Variants in RASAL3 observed in about 807,000 individuals in gnomAD.
RASAL3 encodes the protein RAS protein activator like 3, also known as RAS protein activator like-3.
A neutral mutation model predicts 105.5 loss-of-function variants in RASAL3; 74 were observed. That is an observed-to-expected ratio of 0.70 (90% CI 0.58 to 0.85). RASAL3 has a LOEUF of 0.85. RASAL3 is among the 40% of genes least tolerant of loss of function. RASAL3 has a pLI of 0.00. For synonymous variants in RASAL3, 579 were observed against 591.6 expected, an observed-to-expected ratio of 0.98 and a Z score of 0.31; for missense variants, 1,352 against 1,392.0, an observed-to-expected ratio of 0.97 and a Z score of 0.46.
intron 8 of RASAL3, 125 bp downstream of exon 8, chr19:15,458,203 G>A: frequency 1.2e-6 from 1 of 840,684 alleles, no homozygotes; most frequent in Non-Finnish European, 1.9e-6. Flanking sequence ...CCGTTGCAAC[G>A]ATGCAGGCGG....
chr19:15,464,291 T>C lies in RASAL3; in HGVS notation c.68A>G (p.Tyr23Cys), dbSNP rs1970609317. The part of the protein sequence containing the change: ...QPTATSPLTS[Y>C]RWHTGGGGEK... The stretch of plus-strand genomic sequence containing the variant: ...CCCACCGCCCCCTGTGTGCCAGCGG[T>C]AGGAAGTCAGCGGAGAGGTGGCTGT... Residue 23 changes from tyrosine (Y) to cysteine (C), a missense_variant, in exon 2 of 18, where the codon TAC becomes TGC. This residue lies in a region of RASAL3 where 344 missense variants were observed against 339.6 expected (regional missense o/e 1.01). Coordinates refer to ENST00000343625, the MANE Select transcript of RASAL3 (RefSeq NM_022904.3). The C allele has an allele frequency of 6.3e-7, 1 of 1,586,580 alleles. No homozygotes were observed. Among genetic ancestry groups the C allele is most frequent in the Non-Finnish European group, 8.5e-7 (1 of 1,170,108 alleles).
chr19:15,455,696 T>C (rs1970293115), intron 11 of RASAL3, among the ~76,000 whole-genome samples: 1 of 152,248 alleles, frequency 6.6e-6, no homozygotes, highest in Non-Finnish European at 1.5e-5. Context: ...ACAGGGTCTC[T>C]GTCAACCAGG....
In RASAL3 at chr19:15,453,825, G is replaced by A. The variant is rs1003280731; in HGVS notation, c.2279+324C>T. ...TTGCCCAGGCTTGTCTTAAGTTCCTGGCCTCAAGTGATCCTCCTGCCTCAG... is the reference window on the plus strand; with the variant it reads ...TTGCCCAGGCTTGTCTTAAGTTCCTAGCCTCAAGTGATCCTCCTGCCTCAG... On this transcript the variant is annotated intron_variant, in intron 14 of 17. Coordinates refer to ENST00000343625, the MANE Select transcript of RASAL3 (RefSeq NM_022904.3). This position sits in a 1 kb window ranked among gnomAD's most constrained non-coding sequence, Gnocchi z 4.2. Among the ~76,000 whole-genome samples, 1 of 150,492 alleles carries A rather than the reference G, an allele frequency of 6.6e-6. No homozygotes were observed. Among genetic ancestry groups the A allele is most frequent in the African/African-American group, 2.5e-5 (1 of 40,774 alleles).
intron 2 of RASAL3, among the ~76,000 whole-genome samples, chr19:15,461,975 C>T (rs1384736124): frequency 1.3e-5 from 2 of 152,214 alleles, no homozygotes; most frequent in Admixed American, 1.3e-4. Flanking sequence ...CACAAGCATT[C>T]TTCTCTCTCT....
rs1424654226 is a variant in RASAL3, at chr19:15,461,060, C to G, written c.606G>C (p.Arg202=). 5 of 1,613,902 alleles carry G rather than the reference C, an allele frequency of 3.1e-6. No individual in the cohort carries two copies. Among genetic ancestry groups the G allele is most frequent in the Non-Finnish European group, 4.2e-6 (5 of 1,179,852 alleles). The part of the protein sequence containing the change: ...TAGPNQVHNV[R]GLLKRLKEKK... ...CTCCCACCTTCACTGGCTGCCTTAC[C>G]CGAACGTTGTGGACCTGGTTGGGAC... The change falls in exon 5 of 18, where the codon CGG becomes CGC. Residue 202 remains arginine (R), a splice_region_variant and synonymous_variant. Coordinates refer to ENST00000343625, the MANE Select transcript of RASAL3 (RefSeq NM_022904.3).
chr19:15,459,985 G>A (rs1486380993), intron 6 of RASAL3, among the ~76,000 whole-genome samples: 6 of 152,130 alleles, frequency 3.9e-5, no homozygotes, highest in Non-Finnish European at 8.8e-5. Flanking sequence ...TCCCAGACCA[G>A]TTGATTGACT....
rs34335057 is a variant in RASAL3, at chr19:15,459,239, C to CTATTTATTTATTTATTTATTTATT, written c.663-608_663-585dup. ...CAGGTGTGAGCCACCGTGCCCAGCC[C>CTATTTATTTATTTATTTATTTATT]TATTTATTTATTTATTTATTTATTG... On this transcript the variant is annotated intron_variant, in intron 6 of 17. Coordinates refer to ENST00000343625, the MANE Select transcript of RASAL3 (RefSeq NM_022904.3). Among the ~76,000 whole-genome samples the CTATTTATTTATTTATTTATTTATT allele has an allele frequency of 9.9e-3, 1,438 of 144,620 alleles. 31 individuals carry two copies. The highest frequency in any genetic ancestry group is 0.022 in the African/African-American group (856 of 38,212). The allele number at this position is 144,620 out of a possible 152,430, so 94.9% of individuals were successfully genotyped here.
chr19:15,455,000 C>G lies in RASAL3; in HGVS notation c.1722-107G>C, dbSNP rs7256157. On this transcript the variant is annotated intron_variant, in intron 11 of 17. Transcript: ENST00000343625. ...AGCACTGCATGATTGGTCCATGATC[C>G]TCCAGAGAGCTATTCATGAAGCCCA... is the stretch of plus-strand genomic sequence containing the variant. The G allele has an allele frequency of 1.6e-3, 1,284 of 804,674 alleles. 12 individuals carry two copies. The African/African-American group carries it at 0.02, about 13-fold the overall frequency. The allele number at this position is 804,674 out of a possible 1,614,324, so 49.8% of individuals were successfully genotyped here.
At chr19:15,452,192 G>GGGCGGAGCTTGGAGTGGA in intron 16 of RASAL3, 84 bp from the exon 17 acceptor site, 1 of 1,412,892 alleles carries the variant, frequency 7.1e-7, no homozygotes, top group Non-Finnish European at 1.0e-6. Context: ...GGGACTCCGG[G>GGGCGGAGCTTGGAGTGGA]GGCGGAGCTT....
chr19:15,451,726 T>G lies in RASAL3; in HGVS notation c.*69A>C. On this transcript the variant is annotated 3_prime_UTR_variant, in exon 18 of 18. Transcript: ENST00000343625. Reference sequence around the variant, plus strand: ...TAGGCCAAGTAGGGCTAAGGCAAAGTCAGACACCCCCCCTAAGATGGCTAT... The same window carrying G: ...TAGGCCAAGTAGGGCTAAGGCAAAGGCAGACACCCCCCCTAAGATGGCTAT... 5.9e-6 allele frequency: 9 copies of G among 1,525,152 alleles called. No homozygotes were observed. Among genetic ancestry groups the G allele is most frequent in the Admixed American group, 1.9e-5 (1 of 52,518 alleles). 94.5% of individuals were successfully genotyped at this position (1,525,152 alleles called of 1,614,324 possible). A position where few individuals can be genotyped will look rare whatever the true frequency, so the allele number is the denominator to read the frequency against.
chr19:15,458,938 CTATTTATT>C lies in RASAL3; in HGVS notation c.663-291_663-284del, dbSNP rs113274252. Among the ~76,000 whole-genome samples, 450 of 150,864 alleles carry C rather than the reference CTATTTATT, an allele frequency of 3.0e-3. 3 individuals carry two copies. The highest frequency in any genetic ancestry group is 6.8e-3 in the Middle Eastern group (2 of 292). On this transcript the variant is annotated intron_variant, in intron 6 of 17. Transcript: ENST00000343625. ...CTCCCTGGCCTTGTTTTATTTTATC[CTATTTATT>C]TATTTATTTATTTATTTGAGACAGA...
At chr19:15,458,690 T>C in intron 6 of RASAL3, 35 bp from the exon 7 acceptor site, 3 of 1,602,690 alleles carry the variant, frequency 1.9e-6, no homozygotes, top group Non-Finnish European at 2.6e-6. Context: ...CCGTCATTCC[T>C]GCCTCTTCCC....
rs994530145 is a variant in RASAL3, at chr19:15,453,634, C to G, written c.2280-137G>C. 7.7e-5 allele frequency: 68 copies of G among 884,384 alleles called. 2 individuals carry two copies. The Middle Eastern group carries it at 1.4e-3, about 18-fold the overall frequency. 54.8% of individuals were successfully genotyped at this position (884,384 alleles called of 1,614,324 possible). A position where few individuals can be genotyped will look rare whatever the true frequency, so the allele number is the denominator to read the frequency against. ...TTTTTGAGACAAGGTCTTGCTCTGT[C>G]GCCCAGGCTGGAGTGCAGTGGCTAG... On this transcript the variant is annotated intron_variant, in intron 14 of 17. Transcript: ENST00000343625. The surrounding 1 kb of genome is among the most constrained non-coding windows in gnomAD (Gnocchi z 4.2).
chr19:15,463,493 C>T (rs184992706), intron 2 of RASAL3, among the ~76,000 whole-genome samples: 24 of 152,310 alleles, frequency 1.6e-4, no homozygotes, highest in African/African-American at 5.8e-4. Flanking sequence ...AGTGTGTCCT[C>T]AGTGCCTAAA....
Position 15,457,747 on chromosome 19 carries a change from C to A in RASAL3, c.976G>T (p.Val326Leu). The A allele has an allele frequency of 6.5e-7, 1 of 1,543,352 alleles. No individual in the cohort carries two copies. Among genetic ancestry groups the A allele is most frequent in the African/African-American group, 1.4e-5 (1 of 72,508 alleles). ...LPRAAAGAPG[V>L]RAELWLDGAL... ...CCATCCAGCCACAGCTCGGCGCGCA[C>A]GCCGGGTGCCCCCGCCGCTGCTCGG... is the stretch of plus-strand genomic sequence containing the variant. Residue 326 changes from valine to leucine, a missense_variant, in exon 9 of 18, where the codon GTG becomes TTG. By Grantham distance (32) the Val-to-Leu change is conservative. Transcript: ENST00000343625. The surrounding 1 kb of genome is among the most constrained non-coding windows in gnomAD (Gnocchi z 8.6).
At chr19:15,458,235 G>A (rs1970390546) in intron 8 of RASAL3, 93 bp downstream of exon 8, 3 of 1,218,194 alleles carry the variant, frequency 2.5e-6, no homozygotes, top group Non-Finnish European at 3.5e-6. Context: ...TGGGGGCGCG[G>A]GTTATGGAGC....
rs756302458 is a variant in RASAL3 at position 15,451,958 on chromosome 19, G to A, written c.2893-20C>T. The A allele has an allele frequency of 9.4e-5, 151 of 1,611,422 alleles. No individual in the cohort carries two copies. The highest frequency in any genetic ancestry group is 1.2e-4 in the Non-Finnish European group (147 of 1,177,940). Reference sequence around the variant, plus strand: ...GTGCTCCTGGGGAGGCAGTGGTGATGGGGTTCAGAAACCAGGAGAGGGCTG... The same window carrying A: ...GTGCTCCTGGGGAGGCAGTGGTGATAGGGTTCAGAAACCAGGAGAGGGCTG... On this transcript the variant is annotated intron_variant, in intron 17 of 17. Coordinates refer to ENST00000343625, the MANE Select transcript of RASAL3 (RefSeq NM_022904.3).
rs971451661 is a variant in RASAL3, at chr19:15,454,709, G to A, written c.1906C>T (p.Arg636Cys). ...ACCTTGGCAATCAGTGTGAGGGTGC[G>A]GGCTGGGCCGGGTGCTGGATGGTCT... ...APDHPAPGPARTLTLIAKVIQ... is the reference protein window; with the variant it reads ...APDHPAPGPACTLTLIAKVIQ... Residue 636 changes from arginine (R) to cysteine (C), a missense_variant, in exon 12 of 18, where the codon CGC becomes TGC. Arg to Cys is a radical substitution (Grantham distance 180). Coordinates refer to ENST00000343625, the MANE Select transcript of RASAL3 (RefSeq NM_022904.3). 10 of 1,611,020 alleles carry A rather than the reference G, an allele frequency of 6.2e-6. No individual in the cohort carries two copies. Among genetic ancestry groups the A allele is most frequent in the African/African-American group, 1.3e-5 (1 of 74,906 alleles).
chr19:15,454,085 C>A, intron 14 of RASAL3, 64 bp downstream of exon 14: 4 of 1,197,662 alleles, frequency 3.3e-6, no homozygotes, highest in Non-Finnish European at 3.6e-6. Flanking sequence ...CACCTCTGAC[C>A]CCTGTCTGAG....
Sources: allele counts gnomAD v4.1 joint callset (sites outside exome capture counted in the v4.1 genomes callset), GRCh38; gene constraint gnomAD v4.1.1; regional missense constraint gnomAD v4.1.1; non-coding constraint Gnocchi (gnomAD v3.1); transcripts MANE v1.5; gene names NCBI Gene and HGNC (gene_info 2026-07-23, HGNC 2026-07-21).